The following INPPL1 variants were observed in gnomAD, a reference collection of about 807,000 sequenced individuals.
INPPL1 encodes the protein inositol polyphosphate phosphatase like 1.
INPPL1 carries 91 observed loss-of-function variants against 139.3 expected under a neutral mutation model. That is an observed-to-expected ratio of 0.65 (90% CI 0.55 to 0.78). The LOEUF (loss-of-function observed/expected upper bound fraction) is 0.78, where lower values mean the gene tolerates loss of function less well. INPPL1 is among the 30% of genes least tolerant of loss of function. The pLI, the probability that INPPL1 is intolerant of heterozygous loss-of-function variation, is 0.00. For synonymous variants in INPPL1, 719 were observed against 686.6 expected (o/e 1.05, Z -0.74); for missense variants, 1,411 against 1,665.6 (o/e 0.85, Z 2.66).
rs1290506860 is a variant in INPPL1, at chr11:72,229,774, G to T, written c.843+22G>T. 3 of 1,606,944 alleles carry T rather than the reference G, an allele frequency of 1.9e-6. No homozygotes were observed. The African/African-American group carries it at 4.0e-5, about 21-fold the overall frequency. ...GAAGGTGGCATGATCTCTGACCCTT[G>T]ACCCCCGATTCACTGGCCACTGTCA... On this transcript the variant is annotated intron_variant, in intron 7 of 27. Coordinates refer to ENST00000298229, the MANE Select transcript of INPPL1 (RefSeq NM_001567.4).
Position 72,238,415 on chromosome 11 carries a change from G to T in INPPL1, c.*62G>T, listed in dbSNP as rs931253676. ...CTCCCTGCTACCAAGGCCCAGCTAT[G>T]GCCCCAGGGTTGAAAAGTTATGAGG... On this transcript the variant is annotated 3_prime_UTR_variant, in exon 28 of 28. Coordinates refer to ENST00000298229, the MANE Select transcript of INPPL1 (RefSeq NM_001567.4). The T allele has an allele frequency of 7.0e-7, 1 of 1,421,836 alleles. No homozygotes were observed. The highest frequency in any genetic ancestry group is 9.4e-7 in the Non-Finnish European group (1 of 1,060,148). The allele number at this position is 1,421,836 out of a possible 1,614,324, so 88.1% of individuals were successfully genotyped here.
Position 72,234,686 on chromosome 11 carries a change from A to T in INPPL1, c.2415+71A>T. 9.0e-7 allele frequency: 1 copy of T among 1,109,218 alleles called. No individual in the cohort carries two copies. The highest frequency in any genetic ancestry group is 1.4e-6 in the Non-Finnish European group (1 of 737,132). 68.7% of individuals were successfully genotyped at this position (1,109,218 alleles called of 1,614,324 possible). A position where few individuals can be genotyped will look rare whatever the true frequency, so the allele number is the denominator to read the frequency against. The stretch of plus-strand genomic sequence containing the variant: ...AGGGGTACATAAGAGTTTATTGGAG[A>T]GCCTGCCTGGGAGGGAGTGTGGGGC... On this transcript the variant is annotated intron_variant, in intron 21 of 27. Coordinates refer to ENST00000298229, the MANE Select transcript of INPPL1 (RefSeq NM_001567.4). The surrounding 1 kb of genome is among the most constrained non-coding windows in gnomAD (Gnocchi z 4.2).
intron 26 of INPPL1, 113 bp downstream of exon 26, chr11:72,237,909 C>T (rs1056570031): frequency 4.2e-6 from 6 of 1,441,716 alleles, no homozygotes; most frequent in Non-Finnish European, 3.7e-6. Flanking sequence ...CTGAACTGAT[C>T]ACTGGGAAGT....
chr11:72,223,904 G>C (rs1212792515), upstream of INPPL1: 1 of 152,374 alleles, frequency 6.6e-6, no homozygotes, highest in African/African-American at 2.4e-5. Context: ...ATCTTAAGTG[G>C]CCGCCTGGAG....
At position 72,228,530 on chromosome 11, in the gene INPPL1, C is replaced by A. The variant is rs1176428340; in HGVS notation, c.397+32C>A. 6.3e-7 allele frequency: 1 copy of A among 1,598,844 alleles called. No individual in the cohort carries two copies. The highest frequency in any genetic ancestry group is 2.2e-5 in the East Asian group (1 of 44,834). On this transcript the variant is annotated intron_variant, in intron 3 of 27. Coordinates refer to ENST00000298229, the MANE Select transcript of INPPL1 (RefSeq NM_001567.4). The surrounding 1 kb of genome is among the most constrained non-coding windows in gnomAD (Gnocchi z 5.0). The stretch of plus-strand genomic sequence containing the variant: ...CCCAGTGTGCAGGTCCCCTCCCTGC[C>A]CCTGTCCCTTGGCTCTACCTGCCTC...
Position 72,238,125 on chromosome 11 carries a change from C to G in INPPL1, c.3636C>G (p.Arg1212=). ...GGCTGCGGGCCATCGGCTTGGAGCG[C>G]TATGAGGAGGGCCTGGTGCATAATG... ...SAWLRAIGLE[R]YEEGLVHNGW... is the part of the protein sequence containing the mutation. The change falls in exon 27 of 28, where the codon CGC becomes CGG. Residue 1212 remains arginine, a synonymous_variant. Coordinates refer to ENST00000298229, the MANE Select transcript of INPPL1 (RefSeq NM_001567.4). 1 of 1,583,500 alleles carries G rather than the reference C, an allele frequency of 6.3e-7. No homozygotes were observed. Among genetic ancestry groups the G allele is most frequent in the Non-Finnish European group, 8.6e-7 (1 of 1,165,290 alleles).
chr11:72,231,123 C>T lies in INPPL1; in HGVS notation c.1431C>T (p.Gly477=), dbSNP rs374378161. The T allele has an allele frequency of 4.4e-5, 71 of 1,613,706 alleles. No individual in the cohort carries two copies. The Middle Eastern group carries it at 6.6e-4, about 15-fold the overall frequency. The change falls in exon 12 of 28, where the codon GGC becomes GGT. Residue 477 remains glycine, a synonymous_variant. Transcript: ENST00000298229. ...TTGGGACCCAGGAGAACTCAGTGGG[C>T]GACCGCGAGTGGCTGGACCTACTGC... ...YVFGTQENSV[G]DREWLDLLRG... is the part of the protein sequence containing the mutation.
chr11:72,234,372 G>A lies in INPPL1; in HGVS notation c.2304G>A (p.Glu768=). The change falls in exon 20 of 28, where the codon GAG becomes GAA. Residue 768 remains glutamate (E), a synonymous_variant. Transcript: ENST00000298229. The surrounding 1 kb of genome is among the most constrained non-coding windows in gnomAD (Gnocchi z 4.2). ...KTASRTKFFI[E]FYSTCLEEYK... ...CCAGCCGCACCAAGTTCTTCATCGA[G>A]TTCTACTCTACCTGCCTGGAGGGTC... The A allele has an allele frequency of 6.2e-7, 1 of 1,614,126 alleles. No homozygotes were observed. The highest frequency in any genetic ancestry group is 1.1e-5 in the South Asian group (1 of 91,086).
At position 72,233,438 on chromosome 11, in the gene INPPL1, C is replaced by A. The variant is rs1403297093; in HGVS notation, c.2041-3C>A. On this transcript the variant is annotated splice_polypyrimidine_tract_variant and splice_region_variant and intron_variant, in intron 17 of 27. Transcript: ENST00000298229. ...CTAACCATGCTGCCATCCCCTGCCC[C>A]AGGTCCGGACCAATGTGCCCTCATG... The A allele has an allele frequency of 6.2e-7, 1 of 1,613,980 alleles. No homozygotes were observed. Among genetic ancestry groups the A allele is most frequent in the Non-Finnish European group, 8.5e-7 (1 of 1,179,886 alleles).
chr11:72,229,773 TGA>T, intron 7 of INPPL1, 21 bp downstream of exon 7: 1 of 1,607,130 alleles, frequency 6.2e-7, no homozygotes, highest in East Asian at 2.2e-5. Flanking sequence ...CTCTGACCCT[TGA>T]CCCCCGATTC....
rs1345336250 is a variant in INPPL1, at chr11:72,232,698, C to G, written c.1785C>G (p.Ile595Met). The G allele has an allele frequency of 9.9e-6, 16 of 1,613,958 alleles. No individual in the cohort carries two copies. The highest frequency in any genetic ancestry group is 1.4e-5 in the Non-Finnish European group (16 of 1,180,030). ...ACCGGCAGCTCAATGCCTTTGACAT[C>G]TCTCTGCGTTTCACACACCTCTTCT... is the stretch of plus-strand genomic sequence containing the variant. ...LGDRQLNAFD[I>M]SLRFTHLFWF... Residue 595 changes from isoleucine (I) to methionine (M), a missense_variant, in exon 15 of 28, where the codon ATC becomes ATG. By Grantham distance (10) the Ile-to-Met change is conservative. This residue lies in a region of INPPL1 where 363 missense variants were observed against 446.2 expected (regional missense o/e 0.81). Transcript: ENST00000298229.
rs374578203 is a variant in INPPL1, at chr11:72,238,223, C to G, written c.3687-40C>G. 26 of 1,613,506 alleles carry G rather than the reference C, an allele frequency of 1.6e-5. 1 individual carries two copies. The East Asian group carries it at 3.1e-4, about 19-fold the overall frequency. The stretch of plus-strand genomic sequence containing the variant: ...GGGCGGAGCTGGGGCCCTCAGGATC[C>G]CCTTGCCCATCTCACTTCCCAGCCT... On this transcript the variant is annotated intron_variant, in intron 27 of 27. Coordinates refer to ENST00000298229, the MANE Select transcript of INPPL1 (RefSeq NM_001567.4).
chr11:72,225,317 G>A, intron 1 of INPPL1, 151 bp downstream of exon 1: 1 of 1,223,368 alleles, frequency 8.2e-7, no homozygotes, highest in Non-Finnish European at 1.0e-6. Flanking sequence ...TTTCTCCTGG[G>A]TCTGAGGAGG....
rs1392700449 is a variant in INPPL1, at chr11:72,229,997, C to T, written c.917C>T (p.Thr306Ile). The change falls in exon 8 of 28, where the codon ACC (threonine) becomes ATC (isoleucine). Residue 306 changes from threonine (T) to isoleucine (I), a missense_variant. By Grantham distance (89) the Thr-to-Ile change is moderately conservative. This residue lies in a region of INPPL1 where 504 missense variants were observed against 595.6 expected (regional missense o/e 0.85). Transcript: ENST00000298229. ...CAGCCATCCACACGTAAGGCCAAGA[C>T]CATCCCCGTGCAGGCCTTTGAGGTA... is the stretch of plus-strand genomic sequence containing the variant. The part of the protein sequence containing the change: ...APQPSTRKAK[T>I]IPVQAFEVKL... 6.2e-7 allele frequency: 1 copy of T among 1,614,134 alleles called. No individual in the cohort carries two copies. The highest frequency in any genetic ancestry group is 1.7e-5 in the Admixed American group (1 of 60,014).
Position 72,235,817 on chromosome 11 carries a change from TTCA to T in INPPL1, c.2739-26_2739-24del. 1 of 1,613,162 alleles carries T rather than the reference TTCA, an allele frequency of 6.2e-7. No individual in the cohort carries two copies. Among genetic ancestry groups the T allele is most frequent in the African/African-American group, 1.3e-5 (1 of 75,022 alleles). ...CCTGGGGGCATCTGGTCAACCCCAC[TTCA>T]TCTCTCTCCTGTGCATCCCTGGCAG... On this transcript the variant is annotated intron_variant, in intron 24 of 27. Coordinates refer to ENST00000298229, the MANE Select transcript of INPPL1 (RefSeq NM_001567.4). This position sits in a 1 kb window ranked among gnomAD's most constrained non-coding sequence, Gnocchi z 4.9.
Position 72,234,286 on chromosome 11 carries a change from T to C in INPPL1, c.2218T>C (p.Ser740Pro). ...TCTCCTCCCTTTCTCCTCAGGGCTCTCAAAGACTTCAGACCAGGCCTACAT... is the reference window on the plus strand; with the variant it reads ...TCTCCTCCCTTTCTCCTCAGGGCTCCCAAAGACTTCAGACCAGGCCTACAT... ...TSQFISKKGLSKTSDQAYIEF... is the reference protein window; with the variant it reads ...TSQFISKKGLPKTSDQAYIEF... Residue 740 changes from serine to proline, a missense_variant, in exon 20 of 28, where the codon TCA becomes CCA. Ser to Pro is a moderately conservative substitution (Grantham distance 74). This residue lies in a region of INPPL1 where 363 missense variants were observed against 446.2 expected (regional missense o/e 0.81). Transcript: ENST00000298229. This position sits in a 1 kb window ranked among gnomAD's most constrained non-coding sequence, Gnocchi z 4.2. 1 of 1,613,202 alleles carries C rather than the reference T, an allele frequency of 6.2e-7. No homozygotes were observed. The highest frequency in any genetic ancestry group is 8.5e-7 in the Non-Finnish European group (1 of 1,179,188).
At position 72,234,459 on chromosome 11, in the gene INPPL1, C is replaced by T. The variant is rs1948924224; in HGVS notation, c.2326+65C>T. On this transcript the variant is annotated intron_variant, in intron 20 of 27. Transcript: ENST00000298229. The surrounding 1 kb of genome is among the most constrained non-coding windows in gnomAD (Gnocchi z 4.2). ...ATGGGAGGCAAGAGGGTGCAGTCAG[C>T]CCCCTACTTAGGGGGAAAGGAAGCT... 4 of 1,588,214 alleles carry T rather than the reference C, an allele frequency of 2.5e-6. No homozygotes were observed. The highest frequency in any genetic ancestry group is 3.5e-6 in the Non-Finnish European group (4 of 1,156,622).
chr11:72,231,149 G>A lies in INPPL1; in HGVS notation c.1457G>A (p.Arg486His), dbSNP rs749091098. 41 of 1,613,480 alleles carry A rather than the reference G, an allele frequency of 2.5e-5. No individual in the cohort carries two copies. The highest frequency in any genetic ancestry group is 3.3e-5 in the South Asian group (3 of 91,080). Residue 486 changes from arginine to histidine, a missense_variant, in exon 12 of 28, where the codon CGC (arginine) becomes CAC (histidine). Transcript: ENST00000298229. ...VGDREWLDLL[R>H]GGLKELTDLD... Reference sequence around the variant, plus strand: ...GACCGCGAGTGGCTGGACCTACTGCGCGGGGGCCTCAAGGAGCTTACGGAT... The same window carrying A: ...GACCGCGAGTGGCTGGACCTACTGCACGGGGGCCTCAAGGAGCTTACGGAT...
Position 72,235,963 on chromosome 11 carries a change from C to T in INPPL1, c.2856C>T (p.Pro952=). The change falls in exon 25 of 28, where the codon CCC becomes CCT. Residue 952 remains proline, a synonymous_variant. Transcript: ENST00000298229. This position sits in a 1 kb window ranked among gnomAD's most constrained non-coding sequence, Gnocchi z 4.9. ...CCCCAGCCCCACCCCGAGCAGCTCC[C>T]CGGGAGGAGCCCTTGACCCCCAGGT... ...GRPPAPPRAA[P]REEPLTPRLK... is the part of the protein sequence containing the mutation. 6.2e-7 allele frequency: 1 copy of T among 1,601,152 alleles called. No homozygotes were observed. Among genetic ancestry groups the T allele is most frequent in the Non-Finnish European group, 8.5e-7 (1 of 1,174,404 alleles).
Sources: allele counts gnomAD v4.1 joint callset, GRCh38; gene constraint gnomAD v4.1.1; regional missense constraint gnomAD v4.1.1; non-coding constraint Gnocchi (gnomAD v3.1); transcripts MANE v1.5; gene names NCBI Gene and HGNC (gene_info 2026-07-23, HGNC 2026-07-21).